The following DNAH12 variants were observed in gnomAD, a reference collection of about 807,000 sequenced individuals.
DNAH12 encodes axonemal beta dynein heavy chain 12.
A neutral mutation model predicts 371.5 loss-of-function variants in DNAH12; 285 were observed. That is an observed-to-expected ratio of 0.77 (90% CI 0.70 to 0.85). The LOEUF (loss-of-function observed/expected upper bound fraction) is 0.85, where lower values mean the gene tolerates loss of function less well. Among genes scored for constraint, DNAH12 ranks in the 40% least tolerant of loss-of-function variants. The pLI is 0.00. For missense variants in DNAH12, 3,611 were observed against 3,689.4 expected (o/e 0.98, Z 0.55); for synonymous variants, 1,200 against 1,213.0 (o/e 0.99, Z 0.22).
At chr3:57,413,645 CT>C (rs2064273263) in intron 39 of DNAH12, 100 bp downstream of exon 39, 9 of 1,280,804 alleles carry the variant, frequency 7.0e-6, no homozygotes, top group Non-Finnish European at 7.4e-6. Context: ...AGCAACTATT[CT>C]TTTCCCTAAA....
chr3:57,472,728 A>G (rs1207418554), intron 13 of DNAH12, 57 bp from the exon 14 acceptor site: 2 of 1,498,334 alleles, frequency 1.3e-6, no homozygotes, highest in Non-Finnish European at 1.8e-6. Flanking sequence ...TCATTATGAA[A>G]AAGAGAAGAA....
chr3:57,404,373 A>G (rs782623026), intron 42 of DNAH12, among the ~76,000 whole-genome samples: 1 of 152,104 alleles, frequency 6.6e-6, no homozygotes, highest in Admixed American at 6.5e-5. Flanking sequence ...GCAAAATAAG[A>G]CTACATACAT....
intron 55 of DNAH12, among the ~76,000 whole-genome samples, chr3:57,368,947 C>T (rs2063108252): frequency 6.6e-6 from 1 of 151,998 alleles, no homozygotes; most frequent in South Asian, 2.1e-4. Flanking sequence ...TGGCTCAGGC[C>T]TATAATGCCA....
intron 35 of DNAH12, among the ~76,000 whole-genome samples, chr3:57,424,067 A>AGGC: frequency 6.6e-6 from 1 of 152,228 alleles, no homozygotes; most frequent in Non-Finnish European, 1.5e-5. Context: ...GCTAGCTTTT[A>AGGC]TGTTGCCTAA....
intron 32 of DNAH12, among the ~76,000 whole-genome samples, chr3:57,430,094 A>G (rs538700999): frequency 6.6e-6 from 1 of 152,290 alleles, no homozygotes; most frequent in South Asian, 2.1e-4. Flanking sequence ...AAGAAAATTA[A>G]GTGAAATACT....
intron 62 of DNAH12, 130 bp downstream of exon 62, chr3:57,334,335 A>C: frequency 1.9e-6 from 2 of 1,026,544 alleles, no homozygotes; most frequent in Non-Finnish European, 2.6e-6. Flanking sequence ...TCTAAATCCA[A>C]AGAGCTCAAT....
Position 57,405,679 on chromosome 3 carries a change from A to G in DNAH12, c.6550T>C (p.Ser2184Pro). 6.4e-7 allele frequency: 1 copy of G among 1,551,514 alleles called. No homozygotes were observed. Among genetic ancestry groups the G allele is most frequent in the Admixed American group, 2.0e-5 (1 of 51,008 alleles). ...HFKESFHSIF[S>P]HLRKQNAPVT... ...GGTGCATTTTGTTTCCTCAAATGTG[A>G]AAAGATACTGTGAAATGATTCTTTA... Residue 2184 changes from serine to proline, a missense_variant, in exon 41 of 74, where the codon TCA becomes CCA. Ser to Pro is a moderately conservative substitution (Grantham distance 74, BLOSUM62 -1). Transcript: ENST00000495027.
intron 17 of DNAH12, 163 bp downstream of exon 17, chr3:57,468,573 C>T: frequency 2.6e-6 from 1 of 388,830 alleles, no homozygotes; most frequent in Non-Finnish European, 4.1e-6. Context: ...CACCACTACA[C>T]TCCAGCCTGG....
At position 57,445,493 on chromosome 3, in the gene DNAH12, AGGTGTG is replaced by A. The variant is rs551554006; in HGVS notation, c.4180-80_4180-75del. ...TTTTAAGCTGAGCATAAGTATTCAA[AGGTGTG>A]GTGTTGTCAAGTTTATTCTCCAAAT... On this transcript the variant is annotated intron_variant, in intron 27 of 73. Transcript: ENST00000495027. 7.9e-3 allele frequency: 10,062 copies of A among 1,268,632 alleles called. 40 individuals are homozygous for A. The highest frequency in any genetic ancestry group is 9.1e-3 in the Non-Finnish European group (9,012 of 989,724). The allele number at this position is 1,268,632 out of a possible 1,614,324, so 78.6% of individuals were successfully genotyped here. A position where few individuals can be genotyped will look rare whatever the true frequency, so the allele number is the denominator to read the frequency against.
rs193001744 is a variant in DNAH12 at position 57,538,329 on chromosome 3, C to T, written c.170+4372G>A. Among the ~76,000 whole-genome samples the T allele has an allele frequency of 1.8e-3, 119 of 65,082 alleles. 1 individual carries two copies. The highest frequency in any genetic ancestry group is 3.6e-3 in the African/African-American group (100 of 27,986). 42.7% of individuals were successfully genotyped at this position (65,082 alleles called of 152,430 possible). A position where few individuals can be genotyped will look rare whatever the true frequency, so the allele number is the denominator to read the frequency against. Reference sequence around the variant, plus strand: ...TTCTAATCTCAGTATTAATACAGCACTATGCTTCAGGTAATTTTGAGGCAG... The same window carrying T: ...TTCTAATCTCAGTATTAATACAGCATTATGCTTCAGGTAATTTTGAGGCAG... On this transcript the variant is annotated intron_variant, in intron 2 of 73. Coordinates refer to ENST00000495027, the MANE Select transcript of DNAH12 (RefSeq NM_001366028.2).
At chr3:57,429,845 G>C (rs1425513404) in intron 32 of DNAH12, 71 bp from the exon 33 acceptor site, 1 of 1,302,898 alleles carries the variant, frequency 7.7e-7, no homozygotes, top group East Asian at 2.7e-5. Flanking sequence ...TTTATACTAT[G>C]TATAAAATAA....
chr3:57,393,123 A>T (rs2063660038), intron 44 of DNAH12, among the ~76,000 whole-genome samples: 1 of 152,180 alleles, frequency 6.6e-6, no homozygotes, highest in African/African-American at 2.4e-5. Flanking sequence ...TTGATTCTCA[A>T]ACCTCACAAC....
intron 58 of DNAH12, among the ~76,000 whole-genome samples, chr3:57,362,956 T>C (rs1426150479): frequency 6.6e-6 from 1 of 151,738 alleles, no homozygotes; most frequent in Non-Finnish European, 1.5e-5. Context: ...GCCTATGTCC[T>C]GAATGGTATT....
At chr3:57,533,512 C>T (rs1271650702) in intron 2 of DNAH12, among the ~76,000 whole-genome samples, 1 of 152,108 alleles carries the variant, frequency 6.6e-6, no homozygotes, top group Non-Finnish European at 1.5e-5. Context: ...CAGTGTACTA[C>T]CTGAGTATTG....
intron 17 of DNAH12, chr3:57,468,507 C>A (rs993443872): frequency 1.7e-5 from 4 of 230,752 alleles, no homozygotes; most frequent in Non-Finnish European, 3.2e-5. Context: ...ACCAGCTACT[C>A]AGGAGGCTGA....
intron 13 of DNAH12, among the ~76,000 whole-genome samples, chr3:57,482,229 A>G (rs1378399483): frequency 1.3e-5 from 2 of 152,312 alleles, no homozygotes; most frequent in East Asian, 3.9e-4. Context: ...TTACAAGAAA[A>G]AAACAAACAA....
rs1446009729 is a variant in DNAH12, at chr3:57,380,337, G to C, written c.8023C>G (p.Leu2675Val). The C allele has an allele frequency of 6.6e-6, 1 of 152,140 alleles. No homozygotes were observed. Among genetic ancestry groups the C allele is most frequent in the Non-Finnish European group, 1.5e-5 (1 of 68,028 alleles). 9.4% of individuals were successfully genotyped at this position (152,140 alleles called of 1,614,324 possible). Reference protein sequence around the residue: ...ILDYWGPSKKLLGDMNFLRDL... With the variant: ...ILDYWGPSKKVLGDMNFLRDL... ...CTTAAGAAATTCATATCTCCCAGAA[G>C]TTTTTTGCTAGGTCCCCAGTAATCT... The change falls in exon 51 of 74, where the codon CTT becomes GTT. Residue 2675 changes from leucine to valine, a missense_variant. Coordinates refer to ENST00000495027, the MANE Select transcript of DNAH12 (RefSeq NM_001366028.2).
At chr3:57,446,359 G>C in intron 26 of DNAH12, 89 bp from the exon 27 acceptor site, 1 of 1,455,556 alleles carries the variant, frequency 6.9e-7, no homozygotes, top group Non-Finnish European at 9.1e-7. Flanking sequence ...AGTCAGAATT[G>C]AAAGTTAAAT....
chr3:57,434,470 GA>G (rs1178511602), intron 30 of DNAH12, among the ~76,000 whole-genome samples: 1 of 152,106 alleles, frequency 6.6e-6, no homozygotes, highest in Non-Finnish European at 1.5e-5. Flanking sequence ...ATATAAATGA[GA>G]AATAAATCTT....
Sources: allele counts gnomAD v4.1 joint callset (sites outside exome capture counted in the v4.1 genomes callset), GRCh38; gene constraint gnomAD v4.1.1; transcripts MANE v1.5; gene names NCBI Gene and HGNC (gene_info 2026-07-23, HGNC 2026-07-21).